EPN2: variants seen among roughly 807,000 people sequenced by gnomAD.
The protein encoded by EPN2 is epsin 2.
A neutral mutation model predicts 61.7 loss-of-function variants in EPN2; 34 were observed. That is an observed-to-expected ratio of 0.55 (90% CI 0.42 to 0.73). The LOEUF is 0.73. Ranked by LOEUF, EPN2 falls within the 30% of genes least tolerant of loss-of-function variation. The probability of loss-of-function intolerance (pLI) is 0.00; values close to 1 mark genes in which losing one functional copy is unlikely to be tolerated. For synonymous variants in EPN2, 349 were observed against 353.6 expected, an observed-to-expected ratio of 0.99 and a Z score of 0.15; for missense variants, 714 against 839.2, an observed-to-expected ratio of 0.85 and a Z score of 1.84.
intron 1 of EPN2, among the ~76,000 whole-genome samples, chr17:19,260,734 C>T (rs1228395404): frequency 6.6e-6 from 1 of 151,702 alleles, no homozygotes; most frequent in African/African-American, 2.4e-5. Flanking sequence ...CACTCCTGAT[C>T]TCATCTCTGT....
At chr17:19,313,525 C>T (rs763381262) in intron 7 of EPN2, 86 of 411,686 alleles carry the variant, frequency 2.1e-4, no homozygotes, top group Admixed American at 1.1e-3. Context: ...TCCCCTCAAC[C>T]TCCCATTTGC....
In EPN2 at chr17:19,307,352, C is replaced by T. The variant is rs1194252243; in HGVS notation, c.767-2533C>T. ...TGGAGATGGAGTCTCGCTCTGTCAC[C>T]CAGGCTGGAGTGCAGTGGCGCGATC... On this transcript the variant is annotated intron_variant, in intron 4 of 10. Coordinates refer to ENST00000314728, the MANE Select transcript of EPN2 (RefSeq NM_014964.5). Among the ~76,000 whole-genome samples, 3 of 152,122 alleles carry T rather than the reference C, an allele frequency of 2.0e-5. No homozygotes were observed. The East Asian group carries it at 5.8e-4, about 29-fold the overall frequency.
At chr17:19,303,287 C>CA (rs779858476) in intron 4 of EPN2, among the ~76,000 whole-genome samples, 15 of 152,252 alleles carry the variant, frequency 9.9e-5, no homozygotes, top group Non-Finnish European at 1.8e-4. Flanking sequence ...AGCATCATCT[C>CA]ACGCTGAGGT....
chr17:19,246,530 A>G (rs2044950757), intron 1 of EPN2, among the ~76,000 whole-genome samples: 1 of 152,042 alleles, frequency 6.6e-6, no homozygotes, highest in African/African-American at 2.4e-5. Flanking sequence ...CAACCAAGGA[A>G]TGGTAAACAG....
chr17:19,294,254 C>A (rs1454487250), intron 4 of EPN2, among the ~76,000 whole-genome samples: 24 of 144,646 alleles, frequency 1.7e-4, no homozygotes, highest in Non-Finnish European at 1.5e-4. Flanking sequence ...CCCATCGCTA[C>A]AAAAAAAAAA....
At chr17:19,248,686 C>T (rs2044979727) in intron 1 of EPN2, among the ~76,000 whole-genome samples, 1 of 152,164 alleles carries the variant, frequency 6.6e-6, no homozygotes, top group Admixed American at 6.5e-5. Context: ...TTATTGAGCA[C>T]ATATGTATTA....
intron 7 of EPN2, among the ~76,000 whole-genome samples, chr17:19,326,440 A>G (rs1013170475): frequency 4.6e-5 from 7 of 152,112 alleles, no homozygotes; most frequent in African/African-American, 1.7e-4. Context: ...TAATCCCAGC[A>G]CTTTGGGAGG....
intron 1 of EPN2, chr17:19,276,348 C>T (rs2045304616): frequency 6.7e-6 from 1 of 148,764 alleles, no homozygotes; most frequent in Non-Finnish European, 1.5e-5. Context: ...CCACCATGCC[C>T]AGCTAATTAA....
At chr17:19,324,063 G>A (rs1264935882) in intron 7 of EPN2, among the ~76,000 whole-genome samples, 1 of 152,250 alleles carries the variant, frequency 6.6e-6, no homozygotes, top group African/African-American at 2.4e-5. Context: ...TTATGAATTT[G>A]TTGTTCCCAG....
At chr17:19,274,553 C>T (rs2045287575) in intron 1 of EPN2, among the ~76,000 whole-genome samples, 1 of 152,144 alleles carries the variant, frequency 6.6e-6, no homozygotes, top group African/African-American at 2.4e-5. Flanking sequence ...TCCCTGACAG[C>T]CGAGCGTGAT....
chr17:19,293,669 A>G (rs536436382), intron 4 of EPN2, among the ~76,000 whole-genome samples: 1 of 151,208 alleles, frequency 6.6e-6, no homozygotes, highest in African/African-American at 2.4e-5. Context: ...TTGAGATTAC[A>G]GGCATGCAGG....
chr17:19,321,114 GGGCT>G (rs1301520536), intron 7 of EPN2, among the ~76,000 whole-genome samples: 1 of 152,180 alleles, frequency 6.6e-6, no homozygotes, highest in Non-Finnish European at 1.5e-5. Flanking sequence ...ACTGCATGGC[GGGCT>G]GGCATAGAGG....
chr17:19,275,627 A>G (rs954320005), intron 1 of EPN2, among the ~76,000 whole-genome samples: 1 of 152,108 alleles, frequency 6.6e-6, no homozygotes, highest in African/African-American at 2.4e-5. Context: ...GGGCGGGGGA[A>G]CTGTGGGGCT....
chr17:19,261,024 G>A (rs1379989985), intron 1 of EPN2, among the ~76,000 whole-genome samples: 1 of 152,176 alleles, frequency 6.6e-6, no homozygotes, highest in East Asian at 1.9e-4. Flanking sequence ...AAGGCACCTG[G>A]CTGTTTCCAG....
At chr17:19,296,559 A>C (rs1392790089) in intron 4 of EPN2, 1 of 152,192 alleles carries the variant, frequency 6.6e-6, no homozygotes, top group Non-Finnish European at 1.5e-5. Context: ...TTCAATCTTA[A>C]CTATAATATG....
chr17:19,297,063 C>G (rs1474963244), intron 4 of EPN2: 1 of 152,238 alleles, frequency 6.6e-6, no homozygotes, highest in African/African-American at 2.4e-5. Flanking sequence ...AACAGTTGTA[C>G]ATAGTATTCC....
At chr17:19,256,872 G>T (rs1435399652) in intron 1 of EPN2, among the ~76,000 whole-genome samples, 1 of 152,140 alleles carries the variant, frequency 6.6e-6, no homozygotes, top group African/African-American at 2.4e-5. Flanking sequence ...TTGCAGAGAA[G>T]ACTTGACAAA....
intron 4 of EPN2, among the ~76,000 whole-genome samples, chr17:19,304,461 C>T (rs763904278): frequency 1.4e-4 from 21 of 152,232 alleles, no homozygotes; most frequent in Non-Finnish European, 7.3e-5. Context: ...GTCAGCCCAG[C>T]AGAAAGCAAC....
intron 4 of EPN2, among the ~76,000 whole-genome samples, chr17:19,293,252 C>A (rs1034887086): frequency 2.0e-5 from 3 of 151,382 alleles, no homozygotes; most frequent in Non-Finnish European, 4.4e-5. Context: ...TGGTGGTGGG[C>A]ACCTGTAATC....
Sources: gnomAD v4.1 joint callset for allele counts (sites outside exome capture counted in the v4.1 genomes callset) on GRCh38, gnomAD v4.1.1 for gene constraint, MANE v1.5 for transcripts, NCBI Gene and HGNC (gene_info 2026-07-23, HGNC 2026-07-21) for gene names.